The following EPRS1 variants were observed in gnomAD, a reference collection of about 807,000 sequenced individuals.
EPRS1 encodes glutamyl-prolyl-tRNA synthetase 1.
A neutral mutation model predicts 188.3 loss-of-function variants in EPRS1; 107 were observed. The ratio of observed to expected loss-of-function variants is 0.57; its 90% confidence interval spans 0.49 to 0.67. The LOEUF is 0.67. EPRS1 is among the 30% of genes least tolerant of loss of function. The pLI is 0.00. For synonymous variants in EPRS1, 596 were observed against 593.1 expected, an observed-to-expected ratio of 1.00 and a Z score of -0.07; for missense variants, 1,577 against 1,802.2, an observed-to-expected ratio of 0.88 and a Z score of 2.26.
At chr1:220,030,302 A>G (rs1273710454) in intron 6 of EPRS1, 84 bp downstream of exon 6, 6 of 845,572 alleles carry the variant, frequency 7.1e-6, no homozygotes, top group Non-Finnish European at 9.7e-6. Context: ...TTATTAACCT[A>G]TTAATACTTT....
intron 2 of EPRS1, among the ~76,000 whole-genome samples, chr1:220,035,704 C>T (rs1391624120): frequency 6.6e-6 from 1 of 151,442 alleles, no homozygotes; most frequent in Non-Finnish European, 1.5e-5. Flanking sequence ...TGGCATGCAC[C>T]TGTGCTCCCA....
At chr1:219,989,914 A>C (rs1458952889) in intron 18 of EPRS1, among the ~76,000 whole-genome samples, 1 of 152,260 alleles carries the variant, frequency 6.6e-6, no homozygotes, top group Admixed American at 6.5e-5. Context: ...TATCTCAAGA[A>C]AAACGGCCAA....
chr1:219,973,403 A>C lies in EPRS1; in HGVS notation c.4084-5T>G. 4 of 1,599,152 alleles carry C rather than the reference A, an allele frequency of 2.5e-6. No homozygotes were observed. The highest frequency in any genetic ancestry group is 2.6e-6 in the Non-Finnish European group (3 of 1,171,498). Reference sequence around the variant, plus strand: ...TTCAAGTCTAATGGGAACTCCCTATAAGATAAAAAAGGCAGTTAAAATGAT... The same window carrying C: ...TTCAAGTCTAATGGGAACTCCCTATCAGATAAAAAAGGCAGTTAAAATGAT... On this transcript the variant is annotated splice_region_variant and splice_polypyrimidine_tract_variant and intron_variant, in intron 28 of 31. Coordinates refer to ENST00000366923, the MANE Select transcript of EPRS1 (RefSeq NM_004446.3).
chr1:220,045,579 T>C (rs1168299877), intron 1 of EPRS1, among the ~76,000 whole-genome samples: 3 of 151,996 alleles, frequency 2.0e-5, no homozygotes, highest in Non-Finnish European at 4.4e-5. Context: ...AAAGCAGAAA[T>C]TCTAAGCAAT....
At chr1:220,018,180 A>G (rs956382179) in intron 12 of EPRS1, 3 of 1,411,354 alleles carry the variant, frequency 2.1e-6, no homozygotes, top group Non-Finnish European at 2.8e-6. Flanking sequence ...CAGAGTGTTC[A>G]TAAAAAATTT....
rs181966138 is a variant in EPRS1 at position 220,029,131 on chromosome 1, C to T, written c.623+1255G>A. Among the ~76,000 whole-genome samples the T allele has an allele frequency of 5.3e-5, 8 of 152,198 alleles. 1 individual carries two copies. Among genetic ancestry groups the T allele is most frequent in the Admixed American group, 3.3e-4 (5 of 15,278 alleles). On this transcript the variant is annotated intron_variant, in intron 6 of 31. Transcript: ENST00000366923. ...CTGCCAAAAAAAGGTGGCTTTTAGA[C>T]GATCAAGGTCACTATCCAACAGGAC...
chr1:220,020,457 A>G (rs1436505251), intron 9 of EPRS1, among the ~76,000 whole-genome samples: 1 of 152,190 alleles, frequency 6.6e-6, no homozygotes, highest in Non-Finnish European at 1.5e-5. Context: ...GCAATCTAAT[A>G]CAAAATTAGG....
intron 1 of EPRS1, among the ~76,000 whole-genome samples, chr1:220,041,783 C>T (rs566272040): frequency 5.3e-5 from 8 of 151,130 alleles, no homozygotes; most frequent in Non-Finnish European, 8.9e-5. Flanking sequence ...GAGATTGTGG[C>T]AAGCCAAGAT....
chr1:220,016,325 C>T (rs1175597031), intron 12 of EPRS1, among the ~76,000 whole-genome samples: 3 of 137,590 alleles, frequency 2.2e-5, no homozygotes, highest in Non-Finnish European at 1.5e-5. Flanking sequence ...GCCTAAGTAA[C>T]AGGGTGAGAT....
intron 13 of EPRS1, among the ~76,000 whole-genome samples, chr1:220,008,107 CAAAAAAAAAAAAAAA>C (rs55642831): frequency 2.5e-3 from 335 of 133,308 alleles, no homozygotes; most frequent in East Asian, 3.8e-3. Flanking sequence ...ACTCCGTCAC[CAAAAAAAAAAAAAAA>C]AAAAAAAAAA....
rs565588381 is a variant in EPRS1 at position 219,978,871 on chromosome 1, A to G, written c.3910-152T>C. On this transcript the variant is annotated intron_variant, in intron 27 of 31. Coordinates refer to ENST00000366923, the MANE Select transcript of EPRS1 (RefSeq NM_004446.3). The stretch of plus-strand genomic sequence containing the variant: ...TATATAATGTCTACTAATTACCTGC[A>G]AATCACTTACCCGTGCTAAATGCAT... The G allele has an allele frequency of 5.5e-6, 3 of 545,258 alleles. No individual in the cohort carries two copies. In the East Asian group the frequency reaches 9.3e-5, roughly 17 times the overall value. The allele number at this position is 545,258 out of a possible 1,614,324, so 33.8% of individuals were successfully genotyped here. A position where few individuals can be genotyped will look rare whatever the true frequency, so the allele number is the denominator to read the frequency against.
At chr1:220,018,380 A>G (rs1460015954) in intron 12 of EPRS1, 69 bp downstream of exon 12, 14 of 1,233,718 alleles carry the variant, frequency 1.1e-5, no homozygotes, top group Middle Eastern at 5.1e-4. Flanking sequence ...GAGCACAGTA[A>G]TGACTTCTAC....
At chr1:219,981,509 T>C (rs1212294574) in intron 23 of EPRS1, 52 bp from the exon 24 acceptor site, 2 of 1,169,580 alleles carry the variant, frequency 1.7e-6, no homozygotes, top group Non-Finnish European at 2.5e-6. Context: ...ATTTCTCCTT[T>C]AGGGATGTAA....
At chr1:220,038,850 G>A (rs1430571935) in intron 2 of EPRS1, among the ~76,000 whole-genome samples, 1 of 152,138 alleles carries the variant, frequency 6.6e-6, no homozygotes, top group Non-Finnish European at 1.5e-5. Context: ...CTTATTACAC[G>A]TGTAAAGTCA....
intron 14 of EPRS1, among the ~76,000 whole-genome samples, chr1:220,006,782 T>C (rs1027615900): frequency 6.6e-6 from 1 of 152,206 alleles, no homozygotes; most frequent in African/African-American, 2.4e-5. Context: ...TATTCCTAAG[T>C]GTAGCACACT....
intron 4 of EPRS1, 63 bp downstream of exon 4, chr1:220,033,439 A>G (rs1043263441): frequency 2.4e-6 from 3 of 1,232,092 alleles, no homozygotes; most frequent in African/African-American, 3.0e-5. Flanking sequence ...AGAAATATAT[A>G]TAATTTTTAT....
chr1:220,039,807 C>T lies in EPRS1; in HGVS notation c.131+378G>A, dbSNP rs536728529. ...TGCCGGGATTACAGGTGTGAGCCAC[C>T]GCGCCCGGCGATGCCGAATATTTCT... On this transcript the variant is annotated intron_variant, in intron 2 of 31. Coordinates refer to ENST00000366923, the MANE Select transcript of EPRS1 (RefSeq NM_004446.3). Among the ~76,000 whole-genome samples the T allele has an allele frequency of 5.3e-5, 8 of 152,266 alleles. No individual in the cohort carries two copies. The South Asian group carries it at 1.7e-3, about 32-fold the overall frequency.
chr1:220,040,386 C>CT (rs2102600825), intron 1 of EPRS1, 117 bp from the exon 2 acceptor site: 1 of 650,874 alleles, frequency 1.5e-6, no homozygotes, highest in East Asian at 2.8e-5. Flanking sequence ...AAGGAGTGAA[C>CT]TTTTTTCTCA....
intron 2 of EPRS1, among the ~76,000 whole-genome samples, chr1:220,038,794 C>T (rs1287641678): frequency 2.0e-5 from 3 of 151,964 alleles, no homozygotes; most frequent in African/African-American, 4.8e-5. Flanking sequence ...GAGGGAGCAA[C>T]ATTAAAGGAA....
Sources: gnomAD v4.1 joint callset for allele counts (sites outside exome capture counted in the v4.1 genomes callset) on GRCh38, gnomAD v4.1.1 for gene constraint, MANE v1.5 for transcripts, NCBI Gene and HGNC (gene_info 2026-07-23, HGNC 2026-07-21) for gene names.